The following FEZ2 variants were observed in gnomAD, a reference collection of about 807,000 sequenced individuals.
FEZ2 encodes the protein fasciculation and elongation protein zeta 2, also known as fasciculation and elongation protein zeta-2.
FEZ2 carries 51 observed loss-of-function variants against 40.4 expected under a neutral mutation model. The ratio of observed to expected loss-of-function variants is 1.26; its 90% CI spans 1.01 to 1.59. The LOEUF (loss-of-function observed/expected upper bound fraction) is 1.59, where lower values mean the gene tolerates loss of function less well. Among genes scored for constraint, FEZ2 ranks in the 40% most tolerant of loss-of-function variants. FEZ2 has a pLI of 0.00. For synonymous variants in FEZ2, 242 were observed against 172.0 expected, an observed-to-expected ratio of 1.41 and a Z score of -3.18; for missense variants, 640 against 438.3, an observed-to-expected ratio of 1.46 and a Z score of -4.11.
chr2:36,587,951 G>C (rs1027928557), intron 2 of FEZ2, among the ~76,000 whole-genome samples: 16 of 152,230 alleles, frequency 1.1e-4, no homozygotes, highest in Admixed American at 6.5e-5. Context: ...CACCAGAATA[G>C]TCATGTCACA....
intron 5 of FEZ2, among the ~76,000 whole-genome samples, chr2:36,569,198 A>G (rs1244401841): frequency 2.0e-5 from 3 of 152,256 alleles, no homozygotes; most frequent in South Asian, 4.1e-4. Flanking sequence ...AGTACCTAGC[A>G]AAGTGCTCAG....
intron 6 of FEZ2, 72 bp downstream of exon 6, chr2:36,558,366 G>A (rs557218604): frequency 4.1e-5 from 36 of 872,820 alleles, no homozygotes; most frequent in African/African-American, 3.8e-4. Context: ...AACAAAATCA[G>A]CCAACTAAAG....
chr2:36,592,372 T>A lies in FEZ2; in HGVS notation c.267-1361A>T, dbSNP rs1669096137. On this transcript the variant is annotated intron_variant, in intron 1 of 7. Coordinates refer to ENST00000405912, the MANE Select transcript of FEZ2 (RefSeq NM_005102.3). ...GTGATTTGCTGCACCTATCAACCCA[T>A]CACCTAGGTATTAAGCCCAAGAATG... Among the ~76,000 whole-genome samples the A allele has an allele frequency of 1.3e-5, 2 of 152,166 alleles. 1 individual carries two copies. Among genetic ancestry groups the A allele is most frequent in the East Asian group, 3.9e-4 (2 of 5,184 alleles).
intron 5 of FEZ2, among the ~76,000 whole-genome samples, chr2:36,576,720 T>C (rs848596): frequency 0.6 from 91,425 of 152,132 alleles, 28,176 homozygotes; most frequent in East Asian, 0.85. Context: ...TTACTGTTAC[T>C]ATGAATCTAT....
Position 36,553,734 on chromosome 2 carries a change from T to G in FEZ2, c.1046-555A>C, listed in dbSNP as rs79777835. On this transcript the variant is annotated intron_variant, in intron 7 of 7. Transcript: ENST00000405912. The stretch of plus-strand genomic sequence containing the variant: ...AGACCACTTTTCTACCTTCTTTCAC[T>G]TCTGACATTTGCATTAAAACTAAGT... Among the ~76,000 whole-genome samples the G allele has an allele frequency of 1.6e-3, 244 of 152,264 alleles. 7 individuals carry two copies. The East Asian group carries it at 0.044, about 28-fold the overall frequency.
chr2:36,568,616 G>T (rs1668319602), intron 5 of FEZ2, among the ~76,000 whole-genome samples: 1 of 152,132 alleles, frequency 6.6e-6, no homozygotes, highest in African/African-American at 2.4e-5. Context: ...CCCCCTCTCA[G>T]GATGGAATTT....
chr2:36,570,802 C>G (rs928241413), intron 5 of FEZ2, among the ~76,000 whole-genome samples: 2 of 152,268 alleles, frequency 1.3e-5, no homozygotes, highest in East Asian at 1.9e-4. Flanking sequence ...AGAAAAAGTA[C>G]AGTAAAAATA....
chr2:36,576,118 T>C (rs749596059), intron 5 of FEZ2, among the ~76,000 whole-genome samples: 3 of 152,204 alleles, frequency 2.0e-5, no homozygotes, highest in Non-Finnish European at 4.4e-5. Flanking sequence ...TATAAAATGC[T>C]TGGTAAAATG....
intron 5 of FEZ2, among the ~76,000 whole-genome samples, chr2:36,571,583 A>T (rs1668411778): frequency 6.6e-6 from 1 of 151,972 alleles, no homozygotes; most frequent in Non-Finnish European, 1.5e-5. Context: ...TGAACCCAGG[A>T]GGTAGAGGCT....
intron 1 of FEZ2, chr2:36,591,261 G>A (rs1008322058): frequency 4.0e-6 from 2 of 496,296 alleles, no homozygotes; most frequent in African/African-American, 3.9e-5. Flanking sequence ...ATAGGCAGTA[G>A]GCAACACTTC....
intron 5 of FEZ2, among the ~76,000 whole-genome samples, chr2:36,571,429 G>A (rs1205936692): frequency 6.6e-6 from 1 of 152,116 alleles, no homozygotes; most frequent in Non-Finnish European, 1.5e-5. Context: ...GGGAGGCCGA[G>A]GTGGGCGGAT....
intron 1 of FEZ2, among the ~76,000 whole-genome samples, chr2:36,592,631 C>A (rs7602448): frequency 0.039 from 5,600 of 145,348 alleles, 389 homozygotes; most frequent in African/African-American, 0.14. Context: ...CAAAAGGGAG[C>A]CCCACATCTC....
chr2:36,568,961 C>T (rs1433188019), intron 5 of FEZ2, among the ~76,000 whole-genome samples: 2 of 152,058 alleles, frequency 1.3e-5, no homozygotes, highest in Non-Finnish European at 2.9e-5. Flanking sequence ...GGCCAAGATC[C>T]CCAAGGCCCA....
chr2:36,572,539 C>A (rs1035338002), intron 5 of FEZ2, among the ~76,000 whole-genome samples: 6 of 152,126 alleles, frequency 3.9e-5, no homozygotes, highest in Non-Finnish European at 7.4e-5. Flanking sequence ...GCTTTGTAAG[C>A]CACACAGTCT....
chr2:36,592,565 G>A (rs1669100833), intron 1 of FEZ2, among the ~76,000 whole-genome samples: 1 of 151,324 alleles, frequency 6.6e-6, no homozygotes, highest in Non-Finnish European at 1.5e-5. Context: ...CAGCATTTTG[G>A]GAAGCCAAAG....
chr2:36,557,642 T>A (rs1667990264), intron 6 of FEZ2: 1 of 152,144 alleles, frequency 6.6e-6, no homozygotes, highest in African/African-American at 2.4e-5. Context: ...GATAGTAACT[T>A]AGCCAAAATC....
chr2:36,554,281 G>A, intron 7 of FEZ2: 1 of 471,090 alleles, frequency 2.1e-6, no homozygotes, highest in Non-Finnish European at 4.4e-6. Flanking sequence ...TCAGAGTAAA[G>A]AATTAAAAAT....
intron 2 of FEZ2, among the ~76,000 whole-genome samples, chr2:36,588,226 C>T (rs1668960965): frequency 6.6e-6 from 1 of 151,974 alleles, no homozygotes; most frequent in Non-Finnish European, 1.5e-5. Context: ...CGGGGTTTCA[C>T]CGTGTTGGTA....
intron 5 of FEZ2, among the ~76,000 whole-genome samples, chr2:36,578,258 C>G (rs536477831): frequency 6.6e-6 from 1 of 152,354 alleles, no homozygotes. Context: ...GCCAAATATA[C>G]ATAACCACTC....
Sources: gnomAD v4.1 joint callset for allele counts (sites outside exome capture counted in the v4.1 genomes callset) on GRCh38, gnomAD v4.1.1 for gene constraint, MANE v1.5 for transcripts, NCBI Gene and HGNC (gene_info 2026-07-23, HGNC 2026-07-21) for gene names.